Variants in NINL observed in about 807,000 individuals in gnomAD.
The protein encoded by NINL is ninein like, also known as ninein-like protein.
A neutral mutation model predicts 160.3 loss-of-function variants in NINL; 153 were observed. The observed-to-expected ratio is 0.95, with a 90% CI of 0.84 to 1.09. NINL has a LOEUF of 1.09. Ranked by LOEUF, NINL falls within the 50% of genes least tolerant of loss-of-function variation. The probability of loss-of-function intolerance (pLI) is 0.00; values close to 1 mark genes in which losing one functional copy is unlikely to be tolerated. For missense variants in NINL, 1,829 were observed against 1,764.0 expected (o/e 1.04, Z -0.66); for synonymous variants, 800 against 734.8 (o/e 1.09, Z -1.43).
rs138903570 is a variant in NINL at position 25,584,532 on chromosome 20, A to G, written c.-12+923T>C. ...CTGCTTTTAAAAGTATTTTAAGTCC[A>G]GTGTGAAAAACCTAGAAGTCACAGC... On this transcript the variant is annotated intron_variant, in intron 1 of 23. Transcript: ENST00000278886. 7.9e-5 allele frequency among the ~76,000 whole-genome samples: 12 copies of G among 152,372 alleles called. No homozygotes were observed. The East Asian group carries it at 2.3e-3, about 29-fold the overall frequency.
chr20:25,505,000 C>A lies in NINL; in HGVS notation c.596G>T (p.Ser199Ile). 11 of 1,613,740 alleles carry A rather than the reference C, an allele frequency of 6.8e-6. No individual in the cohort carries two copies. The highest frequency in any genetic ancestry group is 9.3e-6 in the Non-Finnish European group (11 of 1,179,868). Residue 199 changes from serine to isoleucine, a missense_variant, in exon 6 of 24, where the codon AGC (serine) becomes ATC (isoleucine). Coordinates refer to ENST00000278886, the MANE Select transcript of NINL (RefSeq NM_025176.6). ...SCSPSFDTPESQIRGVWEELG... is the reference protein window; with the variant it reads ...SCSPSFDTPEIQIRGVWEELG... ...CTCTTCCCACACGCCCCGGATCTGG[C>A]TCTCTGGGGTGTCAAAGGAGGGGCT...
Position 25,489,912 on chromosome 20 carries a change from T to G in NINL, c.1559A>C (p.Lys520Thr). 1 of 1,614,178 alleles carries G rather than the reference T, an allele frequency of 6.2e-7. No individual in the cohort carries two copies. The highest frequency in any genetic ancestry group is 8.5e-7 in the Non-Finnish European group (1 of 1,180,022). Reference protein sequence around the residue: ...KLSDSERLALKLQKDLEFVLK... With the variant: ...KLSDSERLALTLQKDLEFVLK... ...CACAAACTCCAGGTCCTTCTGCAGC[T>G]TCAGGGCCAGCCTCTCCGAATCCGA... Residue 520 changes from lysine to threonine, a missense_variant, in exon 12 of 24, where the codon AAG becomes ACG. By Grantham distance (78) the Lys-to-Thr change is moderately conservative. Coordinates refer to ENST00000278886, the MANE Select transcript of NINL (RefSeq NM_025176.6).
intron 3 of NINL, among the ~76,000 whole-genome samples, 156 bp from the exon 4 acceptor site, chr20:25,513,162 G>A (rs2064105551): frequency 6.6e-6 from 1 of 152,312 alleles, no homozygotes; most frequent in Middle Eastern, 3.4e-3. Context: ...AAAGACACGA[G>A]AAACAGTGAA....
intron 21 of NINL, among the ~76,000 whole-genome samples, chr20:25,460,889 ACACTGGGCACTCGCC>A (rs149802393): frequency 0.015 from 2,271 of 152,094 alleles, 52 homozygotes; most frequent in African/African-American, 0.052. Flanking sequence ...ACCTGTGTCC[ACACTGGGCACTCGCC>A]CTCTGGGCAC....
chr20:25,525,889 A>G (rs966683108), intron 2 of NINL, among the ~76,000 whole-genome samples: 2 of 152,082 alleles, frequency 1.3e-5, no homozygotes, highest in African/African-American at 4.8e-5. Flanking sequence ...CTCTAATTTC[A>G]CGTTTTCTAT....
chr20:25,470,065 G>A lies in NINL; in HGVS notation c.3279C>T (p.Asn1093=), dbSNP rs2063056898. 1 of 1,614,102 alleles carries A rather than the reference G, an allele frequency of 6.2e-7. No homozygotes were observed. Among genetic ancestry groups the A allele is most frequent in the South Asian group, 1.1e-5 (1 of 91,088 alleles). ...TTCCCAGATCGTTTTTCAACAAAGT[G>A]TTTTCTTCAGAAAGTCTATGGAACT... ...RLEFHRLSEE[N]TLLKNDLGRV... The change falls in exon 18 of 24, where the codon AAC becomes AAT. Residue 1093 remains asparagine (N), a synonymous_variant. Coordinates refer to ENST00000278886, the MANE Select transcript of NINL (RefSeq NM_025176.6).
chr20:25,550,421 C>A (rs141469193), intron 1 of NINL, among the ~76,000 whole-genome samples: 1 of 152,304 alleles, frequency 6.6e-6, no homozygotes, highest in African/African-American at 2.4e-5. Flanking sequence ...AAATAAGACA[C>A]AGAGACAAAG....
At chr20:25,529,271 T>C (rs1270682541) in intron 1 of NINL, among the ~76,000 whole-genome samples, 1 of 151,834 alleles carries the variant, frequency 6.6e-6, no homozygotes, top group Non-Finnish European at 1.5e-5. Flanking sequence ...AGATCTTGTC[T>C]CTTAAAAAAA....
intron 22 of NINL, 31 bp downstream of exon 22, chr20:25,458,352 G>A (rs1450435503): frequency 1.6e-5 from 25 of 1,602,980 alleles, no homozygotes; most frequent in Middle Eastern, 2.3e-4. Context: ...TCCTCATCTC[G>A]TCAGCCATCT....
intron 1 of NINL, among the ~76,000 whole-genome samples, chr20:25,551,891 A>G (rs1036620223): frequency 5.3e-5 from 8 of 152,190 alleles, no homozygotes; most frequent in Admixed American, 4.6e-4. Flanking sequence ...CAAGGTTACA[A>G]TTGGCATGTA....
At chr20:25,493,946 T>C (rs2063693488) in intron 10 of NINL, among the ~76,000 whole-genome samples, 1 of 152,060 alleles carries the variant, frequency 6.6e-6, no homozygotes, top group Admixed American at 6.5e-5. Context: ...GAGACTTGAC[T>C]TTTAGCTTCC....
At chr20:25,468,756 C>T (rs181021120) in intron 18 of NINL, among the ~76,000 whole-genome samples, 1,482 of 142,266 alleles carry the variant, frequency 0.01, 50 homozygotes, top group African/African-American at 0.038. Context: ...GCCCTGTCCC[C>T]CGACTCTCAC....
intron 19 of NINL, among the ~76,000 whole-genome samples, chr20:25,464,992 G>C (rs770812989): frequency 2.6e-5 from 4 of 152,182 alleles, no homozygotes; most frequent in African/African-American, 4.8e-5. Flanking sequence ...TCTTAATTTT[G>C]AACTTGCATT....
intron 13 of NINL, among the ~76,000 whole-genome samples, chr20:25,482,992 C>A (rs1362246761): frequency 1.3e-5 from 2 of 149,590 alleles, no homozygotes; most frequent in Non-Finnish European, 2.9e-5. Context: ...CCATTCATTG[C>A]ACTCCAGCCT....
At chr20:25,460,516 C>T (rs2062757047) in intron 21 of NINL, among the ~76,000 whole-genome samples, 2 of 152,120 alleles carry the variant, frequency 1.3e-5, no homozygotes, top group African/African-American at 4.8e-5. Context: ...TTTCAGGTGG[C>T]CTTACTCCTC....
chr20:25,487,220 T>G (rs532791204), intron 13 of NINL, among the ~76,000 whole-genome samples: 1 of 152,238 alleles, frequency 6.6e-6, no homozygotes, highest in African/African-American at 2.4e-5. Flanking sequence ...TTAAAATTAT[T>G]ATTAAAGCTA....
chr20:25,562,151 C>T (rs369140609), intron 1 of NINL, among the ~76,000 whole-genome samples: 8,855 of 138,168 alleles, frequency 0.064, 143 homozygotes, highest in African/African-American at 0.14. Context: ...CCAGGCGAGA[C>T]GCCCCGTCCG....
intron 1 of NINL, among the ~76,000 whole-genome samples, chr20:25,532,659 C>T (rs1417111076): frequency 6.6e-6 from 1 of 152,246 alleles, no homozygotes; most frequent in Admixed American, 6.5e-5. Context: ...CAGAGAGCAG[C>T]TGCTTCACCT....
intron 18 of NINL, among the ~76,000 whole-genome samples, chr20:25,469,387 C>G (rs1001574018): frequency 7.0e-6 from 1 of 143,216 alleles, no homozygotes; most frequent in Non-Finnish European, 1.5e-5. Flanking sequence ...CCCCCTGACT[C>G]TCACTGGTGG....
Sources: gnomAD v4.1 joint callset for allele counts (sites outside exome capture counted in the v4.1 genomes callset) on GRCh38, gnomAD v4.1.1 for gene constraint, MANE v1.5 for transcripts, NCBI Gene and HGNC (gene_info 2026-07-23, HGNC 2026-07-21) for gene names.